Variants in DACH1 observed in about 807,000 individuals in gnomAD.
DACH1 encodes the protein dachshund homolog 1.
A neutral mutation model predicts 54.2 loss-of-function variants in DACH1; 12 were observed. That is an observed-to-expected ratio of 0.22 (90% CI 0.14 to 0.36). The LOEUF (loss-of-function observed/expected upper bound fraction) is 0.36, where lower values mean the gene tolerates loss of function less well. Among genes scored for constraint, DACH1 ranks in the 10% least tolerant of loss-of-function variants. The pLI is 1.00. For synonymous variants in DACH1, 386 were observed against 366.2 expected (o/e 1.05, Z -0.62); for missense variants, 805 against 929.8 (o/e 0.87, Z 1.75).
intron 1 of DACH1, among the ~76,000 whole-genome samples, chr13:71,763,281 A>G (rs1449034829): frequency 2.0e-5 from 3 of 152,208 alleles, no homozygotes; most frequent in Admixed American, 2.0e-4. Context: ...TCACGTATCA[A>G]AGTCACTTTT....
At chr13:71,567,939 T>C (rs1162533272) in intron 4 of DACH1, among the ~76,000 whole-genome samples, 2 of 152,024 alleles carry the variant, frequency 1.3e-5, no homozygotes, top group African/African-American at 4.8e-5. Flanking sequence ...GGTTACATAA[T>C]GAATGATACC....
intron 1 of DACH1, among the ~76,000 whole-genome samples, chr13:71,767,834 A>T (rs139247702): frequency 3.3e-5 from 5 of 152,032 alleles, no homozygotes; most frequent in African/African-American, 1.2e-4. Context: ...ATATTTTCCT[A>T]GCCCTTTAAC....
rs1884102284 is a variant in DACH1 at position 71,554,378 on chromosome 13, T to C, written c.1570+2646A>G. Among the ~76,000 whole-genome samples the C allele has an allele frequency of 2.0e-5, 3 of 152,244 alleles. No individual in the cohort carries two copies. The South Asian group carries it at 6.2e-4, about 32-fold the overall frequency. On this transcript the variant is annotated intron_variant, in intron 6 of 10. Coordinates refer to ENST00000613252, the MANE Select transcript of DACH1 (RefSeq NM_080759.6). Reference sequence around the variant, plus strand: ...AGGGAGAATCTTAAAAATTTATTTGTCATTATAAAATATATGTCAAAATAT... The same window carrying C: ...AGGGAGAATCTTAAAAATTTATTTGCCATTATAAAATATATGTCAAAATAT...
In DACH1 at chr13:71,630,700, C is replaced by T; in HGVS notation, c.982G>A (p.Ala328Thr). 6.3e-7 allele frequency: 1 copy of T among 1,586,066 alleles called. No individual in the cohort carries two copies. The highest frequency in any genetic ancestry group is 8.5e-7 in the Non-Finnish European group (1 of 1,172,586). Residue 328 changes from alanine to threonine, a missense_variant, in exon 3 of 11, where the codon GCA (alanine) becomes ACA (threonine). This residue lies in a region of DACH1 where 472 missense variants were observed against 545.3 expected (regional missense o/e 0.87). Transcript: ENST00000613252. ...GCATTGGTAGCAGCAGCAGCTGCTG[C>T]AGCGGCTGCTGTCAGACCTTAAAAG... ...IPPTGLTAAAAAAAAATNAAI... is the reference protein window; with the variant it reads ...IPPTGLTAAATAAAAATNAAI...
intron 10 of DACH1, among the ~76,000 whole-genome samples, chr13:71,467,338 G>T (rs1009746032): frequency 7.9e-6 from 1 of 127,212 alleles, no homozygotes; most frequent in African/African-American, 2.9e-5. Flanking sequence ...ATCACACTCT[G>T]GGGACTGTTG....
intron 1 of DACH1, chr13:71,704,443 G>A (rs1882325005): frequency 2.6e-6 from 1 of 381,622 alleles, no homozygotes; most frequent in Non-Finnish European, 5.1e-6. Context: ...GAGAATTAAT[G>A]TGCGTACTGA....
chr13:71,636,255 TC>T (rs1050944249), intron 2 of DACH1, among the ~76,000 whole-genome samples: 7 of 152,070 alleles, frequency 4.6e-5, no homozygotes, highest in African/African-American at 1.7e-4. Context: ...CATAAAAGTA[TC>T]TCCTACACCA....
chr13:71,663,006 C>T lies in DACH1; in HGVS notation c.964+18789G>A, dbSNP rs114912272. On this transcript the variant is annotated intron_variant, in intron 2 of 10. Transcript: ENST00000613252. Reference sequence around the variant, plus strand: ...TTATGAAAGGAACATTTCTAAAGTGCGCATTTCACAAATAAATTTTGAAAT... The same window carrying T: ...TTATGAAAGGAACATTTCTAAAGTGTGCATTTCACAAATAAATTTTGAAAT... Among the ~76,000 whole-genome samples the T allele has an allele frequency of 8.0e-3, 1,214 of 151,888 alleles. 19 individuals carry two copies. Among genetic ancestry groups the T allele is most frequent in the African/African-American group, 0.027 (1,137 of 41,470 alleles).
chr13:71,497,464 T>A (rs1356000747), intron 6 of DACH1, among the ~76,000 whole-genome samples: 1 of 151,910 alleles, frequency 6.6e-6, no homozygotes, highest in Non-Finnish European at 1.5e-5. Flanking sequence ...CCCGAGTAGC[T>A]GGGGTTACAG....
At chr13:71,506,333 G>A (rs1294378177) in intron 6 of DACH1, among the ~76,000 whole-genome samples, 2 of 128,194 alleles carry the variant, frequency 1.6e-5, no homozygotes, top group East Asian at 2.3e-4. Context: ...TCCCCTTCCT[G>A]TGTCCATGTG....
chr13:71,598,872 G>A (rs757484146), intron 3 of DACH1, among the ~76,000 whole-genome samples: 1 of 152,080 alleles, frequency 6.6e-6, no homozygotes, highest in South Asian at 2.1e-4. Flanking sequence ...GAAATCTGGT[G>A]ATTTTCCACA....
At chr13:71,583,036 G>A (rs573532109) in intron 3 of DACH1, among the ~76,000 whole-genome samples, 2 of 152,168 alleles carry the variant, frequency 1.3e-5, no homozygotes, top group African/African-American at 4.8e-5. Context: ...TAAAAACTAT[G>A]TTTCTAAATA....
At chr13:71,563,999 A>G (rs1884756068) in intron 4 of DACH1, among the ~76,000 whole-genome samples, 1 of 152,010 alleles carries the variant, frequency 6.6e-6, no homozygotes, top group Non-Finnish European at 1.5e-5. Flanking sequence ...GAATTTCATT[A>G]AAGTAAAATC....
chr13:71,771,316 G>GATAAATAAATAA (rs35368673), intron 1 of DACH1, among the ~76,000 whole-genome samples: 7 of 78,954 alleles, frequency 8.9e-5, no homozygotes, highest in Non-Finnish European at 1.8e-4. Flanking sequence ...GAAGCAAAAG[G>GATAAATAAATAA]ATAAATAAAT....
chr13:71,807,761 G>A (rs1887568332), intron 1 of DACH1, among the ~76,000 whole-genome samples: 1 of 151,982 alleles, frequency 6.6e-6, no homozygotes, highest in South Asian at 2.1e-4. Flanking sequence ...TAATCCAAAT[G>A]CCAATTTTTA....
At chr13:71,487,913 C>T (rs961639066) in intron 7 of DACH1, among the ~76,000 whole-genome samples, 2 of 151,874 alleles carry the variant, frequency 1.3e-5, no homozygotes, top group African/African-American at 4.8e-5. Flanking sequence ...TTTATATAAT[C>T]GACTATTTGG....
At chr13:71,629,336 AACTCGC>A (rs1274900654) in intron 3 of DACH1, among the ~76,000 whole-genome samples, 7 of 151,966 alleles carry the variant, frequency 4.6e-5, no homozygotes, top group Admixed American at 4.6e-4. Context: ...TCCGTCTAGG[AACTCGC>A]ACTCACACCT....
chr13:71,693,296 C>CTTT lies in DACH1; in HGVS notation c.849-11389_849-11387dup, dbSNP rs869289138. On this transcript the variant is annotated intron_variant, in intron 1 of 10. Coordinates refer to ENST00000613252, the MANE Select transcript of DACH1 (RefSeq NM_080759.6). ...AATACCCTCTTATCCATTTGTTTTGCTTTTTTTTTTTTTTTTTTTTTTTGA... is the reference window on the plus strand; with the variant it reads ...AATACCCTCTTATCCATTTGTTTTGCTTTTTTTTTTTTTTTTTTTTTTTTTTGA... 3.3e-3 allele frequency among the ~76,000 whole-genome samples: 303 copies of CTTT among 90,936 alleles called. 2 individuals are homozygous for CTTT. Among genetic ancestry groups the CTTT allele is most frequent in the African/African-American group, 4.7e-3 (92 of 19,410 alleles). 59.7% of individuals were successfully genotyped at this position (90,936 alleles called of 152,430 possible).
intron 1 of DACH1, chr13:71,846,245 A>C (rs1035525113): frequency 4.0e-6 from 1 of 252,720 alleles, no homozygotes; most frequent in Admixed American, 4.1e-5. Context: ...TTCATGCCAA[A>C]TTCCGAAGCA....
Sources: allele counts gnomAD v4.1 joint callset (sites outside exome capture counted in the v4.1 genomes callset), GRCh38; gene constraint gnomAD v4.1.1; regional missense constraint gnomAD v4.1.1; transcripts MANE v1.5; gene names NCBI Gene and HGNC (gene_info 2026-07-23, HGNC 2026-07-21).